ABCC11: variants seen among roughly 807,000 people sequenced by gnomAD.
ABCC11 encodes ATP binding cassette subfamily C member 11.
In ABCC11, 135 loss-of-function variants were observed where a neutral mutation model predicts 149.3. The observed-to-expected ratio is 0.90, with a 90% confidence interval of 0.79 to 1.04. The LOEUF (loss-of-function observed/expected upper bound fraction) is 1.04. Ranked by LOEUF, ABCC11 falls within the 50% of genes least tolerant of loss-of-function variation. The pLI, the probability that ABCC11 is intolerant of heterozygous loss-of-function variation, is 0.00. For synonymous variants in ABCC11, 665 were observed against 671.4 expected, an observed-to-expected ratio of 0.99 and a Z score of 0.15; for missense variants, 1,680 against 1,722.1, an observed-to-expected ratio of 0.98 and a Z score of 0.43.
At chr16:48,192,183 C>T (rs368021982) in intron 20 of ABCC11, among the ~76,000 whole-genome samples, 23 of 152,068 alleles carry the variant, frequency 1.5e-4, no homozygotes, top group African/African-American at 5.5e-4. Context: ...GTGGCTCATG[C>T]CTGTAATCCC....
intron 6 of ABCC11, among the ~76,000 whole-genome samples, chr16:48,218,467 C>A (rs2150884767): frequency 6.6e-6 from 1 of 152,274 alleles, no homozygotes; most frequent in East Asian, 1.9e-4. Flanking sequence ...ATAATACAAC[C>A]TACTTTCTCA....
intron 6 of ABCC11, 118 bp downstream of exon 6, chr16:48,222,480 T>A: frequency 1.2e-6 from 1 of 816,880 alleles, no homozygotes; most frequent in Non-Finnish European, 1.9e-6. Flanking sequence ...AATTATTTTC[T>A]TTCTCTTTCT....
At chr16:48,208,232 G>T (rs1567522427) in intron 12 of ABCC11, among the ~76,000 whole-genome samples, 193 bp downstream of exon 12, 1 of 152,164 alleles carries the variant, frequency 6.6e-6, no homozygotes, top group Non-Finnish European at 1.5e-5. Context: ...CTGCCACAAG[G>T]TGAAGAGAGA....
intron 10 of ABCC11, among the ~76,000 whole-genome samples, chr16:48,211,780 G>C (rs1187052884): frequency 6.6e-6 from 1 of 152,188 alleles, no homozygotes; most frequent in African/African-American, 2.4e-5. Context: ...TTCAAAAGGT[G>C]ATCATCAGCA....
intron 18 of ABCC11, 108 bp from the exon 19 acceptor site, chr16:48,194,090 C>T (rs747586939): frequency 5.2e-6 from 4 of 763,606 alleles, no homozygotes; most frequent in Non-Finnish European, 6.6e-6. Flanking sequence ...AACCCTTGAG[C>T]CCCACCCAAT....
intron 20 of ABCC11, among the ~76,000 whole-genome samples, chr16:48,189,573 A>T (rs1966853811): frequency 6.6e-6 from 1 of 152,262 alleles, no homozygotes; most frequent in Non-Finnish European, 1.5e-5. Flanking sequence ...TAAACACAAA[A>T]CACGTTTTCA....
chr16:48,171,283 C>T (rs528758585), intron 26 of ABCC11, among the ~76,000 whole-genome samples: 4 of 152,294 alleles, frequency 2.6e-5, no homozygotes, highest in African/African-American at 9.6e-5. Flanking sequence ...AATCCCTGGC[C>T]ATGGTGCTTA....
intron 1 of ABCC11, among the ~76,000 whole-genome samples, chr16:48,234,030 C>T (rs1970560810): frequency 6.6e-6 from 1 of 152,232 alleles, no homozygotes; most frequent in Admixed American, 6.5e-5. Context: ...TACATTTAAT[C>T]TGCATTATTA....
intron 24 of ABCC11, among the ~76,000 whole-genome samples, chr16:48,178,340 A>G (rs1966217327): frequency 6.6e-6 from 1 of 152,154 alleles, no homozygotes; most frequent in African/African-American, 2.4e-5. Flanking sequence ...CAAACCTCTC[A>G]TTTCCAAGAG....
At chr16:48,234,013 A>G (rs1457651214) in intron 1 of ABCC11, among the ~76,000 whole-genome samples, 2 of 152,252 alleles carry the variant, frequency 1.3e-5, no homozygotes, top group South Asian at 2.1e-4. Flanking sequence ...CAGGCACCAC[A>G]CACTTGTACA....
chr16:48,243,212 T>C (rs746233636), intron 1 of ABCC11, among the ~76,000 whole-genome samples: 10 of 151,186 alleles, frequency 6.6e-5, no homozygotes, highest in Non-Finnish European at 7.4e-5. Context: ...CCATCCTGGC[T>C]AACATGGCGA....
At chr16:48,184,853 C>T (rs140957453) in intron 22 of ABCC11, among the ~76,000 whole-genome samples, 1 of 152,188 alleles carries the variant, frequency 6.6e-6, no homozygotes. Flanking sequence ...CTGCTAAGGC[C>T]CATCCTTAGC....
chr16:48,196,735 C>A (rs1371829323), intron 17 of ABCC11, among the ~76,000 whole-genome samples: 2 of 152,228 alleles, frequency 1.3e-5, no homozygotes, highest in South Asian at 4.1e-4. Flanking sequence ...AGATGCCCTG[C>A]AGCCATACAC....
At chr16:48,204,846 G>T (rs1317476154) in intron 13 of ABCC11, among the ~76,000 whole-genome samples, 1 of 152,244 alleles carries the variant, frequency 6.6e-6, no homozygotes, top group East Asian at 1.9e-4. Flanking sequence ...TCATGTCTTG[G>T]GCAGGTTAAC....
At chr16:48,227,572 G>T (rs886949742) in intron 4 of ABCC11, among the ~76,000 whole-genome samples, 14 of 151,950 alleles carry the variant, frequency 9.2e-5, no homozygotes, top group Admixed American at 5.9e-4. Context: ...TAAGAGATGT[G>T]AATTCTTGCT....
chr16:48,224,316 C>T lies in ABCC11; in HGVS notation c.509G>A (p.Gly170Asp). Reference sequence around the variant, plus strand: ...TACACTGGCAATGCAGAAGCAGATGCCCAGAAGTGCATCGAAAATCAACCT... The same window carrying T: ...TACACTGGCAATGCAGAAGCAGATGTCCAGAAGTGCATCGAAAATCAACCT... ...RTRLIFDALL[G>D]ICFCIASVLG... The change falls in exon 5 of 30, where the codon GGC becomes GAC. Residue 170 changes from glycine to aspartate, a missense_variant. Coordinates refer to ENST00000356608, the MANE Select transcript of ABCC11 (RefSeq NM_001370497.1). The T allele has an allele frequency of 6.2e-7, 1 of 1,614,172 alleles. No individual in the cohort carries two copies. The highest frequency in any genetic ancestry group is 1.1e-5 in the South Asian group (1 of 91,076).
In ABCC11 at chr16:48,166,558, T is replaced by C. The variant is rs922694923; in HGVS notation, c.*716A>G. ...TGAGGGAGTCTCTGTTCCTTGCAAC[T>C]GAATAAGTACTAGCTAACGTAAAAA... On this transcript the variant is annotated 3_prime_UTR_variant, in exon 30 of 30. Coordinates refer to ENST00000356608, the MANE Select transcript of ABCC11 (RefSeq NM_001370497.1). 1.3e-5 allele frequency among the ~76,000 whole-genome samples: 2 copies of C among 152,188 alleles called. No individual in the cohort carries two copies. Among genetic ancestry groups the C allele is most frequent in the African/African-American group, 4.8e-5 (2 of 41,438 alleles).
At chr16:48,220,925 A>G (rs1969692861) in intron 6 of ABCC11, among the ~76,000 whole-genome samples, 1 of 152,218 alleles carries the variant, frequency 6.6e-6, no homozygotes, top group African/African-American at 2.4e-5. Flanking sequence ...GGGCAGCCAG[A>G]TTTGTGCAAA....
intron 4 of ABCC11, among the ~76,000 whole-genome samples, chr16:48,226,971 G>A (rs1001308285): frequency 1.6e-4 from 24 of 152,120 alleles, no homozygotes; most frequent in Non-Finnish European, 7.4e-5. Flanking sequence ...CATGAATACA[G>A]GATCTTTAAA....
Sources: allele counts gnomAD v4.1 joint callset (sites outside exome capture counted in the v4.1 genomes callset), GRCh38; gene constraint gnomAD v4.1.1; transcripts MANE v1.5; gene names NCBI Gene and HGNC (gene_info 2026-07-23, HGNC 2026-07-21).